WDR45: variants seen among roughly 807,000 people sequenced by gnomAD.
The protein encoded by WDR45 is WD repeat domain phosphoinositide-interacting protein 4.
Under a neutral mutation model 27.3 loss-of-function variants are expected in WDR45, and 2 were observed. The ratio of observed to expected loss-of-function variants is 0.07; its 90% CI spans 0.03 to 0.23. The LOEUF (loss-of-function observed/expected upper bound fraction) is 0.23. WDR45 is among the 10% of genes least tolerant of loss of function. The pLI is 1.00. For missense variants in WDR45, 175 were observed against 311.9 expected (o/e 0.56, Z 3.31); for synonymous variants, 99 against 119.2 (o/e 0.83, Z 1.11).
At chrX:49,080,808 TAAA>T (rs374071162), upstream of WDR45, among the ~76,000 whole-genome samples, 49 of 81,200 alleles carry the variant, frequency 6.0e-4, no homozygotes, top group Admixed American at 1.0e-3. Flanking sequence ...TGCTTTGGGT[TAAA>T]AAAAAAAAAA....
chrX:49,080,959 G>A (rs1300155140), upstream of WDR45, among the ~76,000 whole-genome samples: 1 of 92,893 alleles, frequency 1.1e-5, no homozygotes, highest in Admixed American at 1.3e-4. Flanking sequence ...TGCAATTAGC[G>A]CGATCTTGGC....
At chrX:49,097,406 A>G (rs1443951670) in intron 2 of WDR45, among the ~76,000 whole-genome samples, 1 of 100,289 alleles carries the variant, frequency 1.0e-5, no homozygotes, top group African/African-American at 3.7e-5. Flanking sequence ...GGCTCACTGT[A>G]GCCTTCACCT....
chrX:49,086,271 G>A (rs2147823394), intron 2 of WDR45, among the ~76,000 whole-genome samples: 1 of 111,712 alleles, frequency 9.0e-6, no homozygotes, highest in South Asian at 3.8e-4. Flanking sequence ...TCCTGCCTCA[G>A]CCTCCTGAGT....
intron 2 of WDR45, among the ~76,000 whole-genome samples, chrX:49,094,497 C>T (rs919680266): frequency 4.6e-5 from 5 of 109,872 alleles, no homozygotes; most frequent in East Asian, 5.7e-4. Context: ...TTTGTAGAGA[C>T]GGGGTTTCCC....
At chrX:49,077,441 GA>G in intron 4 of WDR45, 2 of 472,018 alleles carry the variant, frequency 4.2e-6, no homozygotes, top group Non-Finnish European at 7.7e-6. Context: ...TGGCACACAG[GA>G]GGCACTCAAT....
At chrX:49,090,935 G>A (rs782495620) in intron 2 of WDR45, among the ~76,000 whole-genome samples, 19 of 107,215 alleles carry the variant, frequency 1.8e-4, no homozygotes, top group African/African-American at 5.8e-4. Context: ...CCAGGTTCAC[G>A]CCATTCTCCT....
upstream of WDR45, among the ~76,000 whole-genome samples, chrX:49,082,866 A>T (rs1557085361): frequency 8.8e-5 from 9 of 101,958 alleles, no homozygotes; most frequent in South Asian, 3.9e-3. Flanking sequence ...GGCATGCACC[A>T]CCACGCCCAG....
chrX:49,078,232 T>C (rs2065049178), intron 1 of WDR45, 120 bp from the exon 2 acceptor site: 1 of 702,433 alleles, frequency 1.4e-6, no homozygotes. Context: ...GCAAAAAAGA[T>C]AAAAACAGGC....
intron 2 of WDR45, among the ~76,000 whole-genome samples, chrX:49,096,067 C>G (rs782207191): frequency 1.8e-5 from 2 of 109,808 alleles, no homozygotes; most frequent in East Asian, 5.7e-4. Flanking sequence ...CCCTGCCCGG[C>G]CAAGTTTTAC....
chrX:49,089,491 T>C (rs1217622717), intron 2 of WDR45, among the ~76,000 whole-genome samples: 1 of 109,919 alleles, frequency 9.1e-6, no homozygotes, highest in Non-Finnish European at 1.9e-5. Flanking sequence ...GCCTCCTGGG[T>C]TCAAGCGATT....
At position 49,075,943 on chromosome X, in the gene WDR45, G is replaced by A. The variant is rs1557084144; in HGVS notation, c.439C>T (p.Leu147Phe). ...EFDTRDNPKG[L>F]CDLCPSLEKQ... ...TCCAGGCTGGGGCAGAGGTCACAGAGCCCTAGGGTGTGAAGATGGGGGGTG... is the reference window on the plus strand; with the variant it reads ...TCCAGGCTGGGGCAGAGGTCACAGAACCCTAGGGTGTGAAGATGGGGGGTG... The change falls in exon 7 of 11, where the codon CTC (leucine) becomes TTC (phenylalanine). Residue 147 changes from leucine (L) to phenylalanine (F), a missense_variant and splice_region_variant. Leu to Phe is a conservative substitution (Grantham distance 22). Around this residue, in one of 3 missense-constraint regions of WDR45, gnomAD observed 102 missense variants for 165.4 expected, o/e 0.62. Transcript: ENST00000376372. 1.7e-6 allele frequency: 2 copies of A among 1,205,623 alleles called. No homozygotes were observed. The highest frequency in any genetic ancestry group is 2.3e-4 in the Middle Eastern group (1 of 4,301).
At chrX:49,098,155 G>T (rs2147830943) in intron 2 of WDR45, among the ~76,000 whole-genome samples, 1 of 110,950 alleles carries the variant, frequency 9.0e-6, no homozygotes, top group African/African-American at 3.3e-5. Flanking sequence ...GTCTCACATT[G>T]CCCAGACTGG....
intron 2 of WDR45, among the ~76,000 whole-genome samples, chrX:49,089,210 C>T (rs1378026686): frequency 9.0e-6 from 1 of 111,511 alleles, no homozygotes; most frequent in Non-Finnish European, 1.9e-5. Flanking sequence ...ATCACTTGAA[C>T]TCAGGAGGCG....
At position 49,074,513 on chromosome X, in the gene WDR45, C is replaced by A. The variant is rs782175400; in HGVS notation, c.*290G>T. On this transcript the variant is annotated 3_prime_UTR_variant, in exon 11 of 11. Transcript: ENST00000376372. ...TCTTCCTAGGAAGCTTTTAAAAAAT[C>A]CCCAGGTTGGATTAGGGCACTCCCT... 1.4e-4 allele frequency: 50 copies of A among 363,787 alleles called. No individual in the cohort carries two copies. The highest frequency in any genetic ancestry group is 2.1e-4 in the Non-Finnish European group (44 of 211,783). 30.0% of individuals were successfully genotyped at this position (363,787 alleles called of 1,213,427 possible). A position where few individuals can be genotyped will look rare whatever the true frequency, so the allele number is the denominator to read the frequency against.
At chrX:49,080,671 G>A (rs2065062563), upstream of WDR45, among the ~76,000 whole-genome samples, 2 of 110,428 alleles carry the variant, frequency 1.8e-5, no homozygotes, top group Admixed American at 1.9e-4. Flanking sequence ...TCGAACTCTT[G>A]ACCTCAGGTT....
intron 2 of WDR45, among the ~76,000 whole-genome samples, chrX:49,091,755 CAAAAAAAAAAAA>C (rs1162476660): frequency 5.7e-5 from 2 of 35,197 alleles, no homozygotes; most frequent in Admixed American, 5.8e-4. Context: ...GACTCCGTCT[CAAAAAAAAAAAA>C]AAAAAAAAAA....
intron 5 of WDR45, 24 bp from the exon 6 acceptor site, chrX:49,076,548 A>T (rs781951274): frequency 3.6e-5 from 44 of 1,208,420 alleles, no homozygotes; most frequent in Non-Finnish European, 4.6e-5. Context: ...ACAACACAGG[A>T]TGGCCGTGAG....
intron 2 of WDR45, among the ~76,000 whole-genome samples, chrX:49,094,478 AT>A (rs113412574): frequency 4.1e-3 from 437 of 106,458 alleles, no homozygotes; most frequent in African/African-American, 0.014. Context: ...AAGAAAAAAA[AT>A]TTTTTTTTTT....
At chrX:49,091,065 C>T (rs1252316171) in intron 2 of WDR45, among the ~76,000 whole-genome samples, 2 of 110,276 alleles carry the variant, frequency 1.8e-5, no homozygotes, top group Non-Finnish European at 3.8e-5. Flanking sequence ...CCTCGTGATC[C>T]GCCCGCCTCG....
Sources: gnomAD v4.1 joint callset for allele counts (sites outside exome capture counted in the v4.1 genomes callset) on GRCh38, gnomAD v4.1.1 for gene constraint, gnomAD v4.1.1 regional missense constraint, MANE v1.5 for transcripts, NCBI Gene and HGNC (gene_info 2026-07-23, HGNC 2026-07-21) for gene names.